CIB1: variants seen among roughly 807,000 people sequenced by gnomAD.
CIB1 encodes the protein calcium and integrin-binding protein 1.
Under a neutral mutation model 25.0 loss-of-function variants are expected in CIB1, and 19 were observed. That is an observed-to-expected ratio of 0.76 (90% CI 0.53 to 1.12). CIB1 has a LOEUF of 1.12. Ranked by LOEUF, CIB1 falls within the 50% of genes most tolerant of loss-of-function variation. The pLI is 0.00. For synonymous variants in CIB1, 104 were observed against 98.5 expected, an observed-to-expected ratio of 1.06 and a Z score of -0.33; for missense variants, 236 against 242.6, an observed-to-expected ratio of 0.97 and a Z score of 0.18.
At chr15:90,237,083 C>T (rs889228961), upstream of CIB1, among the ~76,000 whole-genome samples, 4 of 151,910 alleles carry the variant, frequency 2.6e-5, no homozygotes, top group Middle Eastern at 6.8e-3. Context: ...CTTAGCCTCC[C>T]GAGTAGCTGA....
the CIB1 span, chr15:90,243,640 G>GC: frequency 2.0e-5 from 2 of 99,468 alleles, no homozygotes; most frequent in East Asian, 3.1e-4. Context: ...CTTGGTGCAG[G>GC]TTTTTTTTTT....
At chr15:90,241,702 A>G in the CIB1 span, 1 of 1,614,062 alleles carries the variant, frequency 6.2e-7, no homozygotes, top group South Asian at 1.1e-5. Flanking sequence ...CCAGGGCCTG[A>G]CTTGGAGTCC....
chr15:90,235,626 G>A (rs1263214447), upstream of CIB1, among the ~76,000 whole-genome samples: 2 of 151,954 alleles, frequency 1.3e-5, no homozygotes, highest in African/African-American at 4.8e-5. Flanking sequence ...GGAGTGCAGT[G>A]GCATGATCTT....
the CIB1 span, among the ~76,000 whole-genome samples, chr15:90,259,985 C>T: frequency 6.6e-6 from 1 of 152,128 alleles, no homozygotes; most frequent in South Asian, 2.1e-4. Flanking sequence ...TGTTTGATTC[C>T]CCACGAGAGC....
the CIB1 span, chr15:90,258,677 C>T: frequency 4.4e-6 from 6 of 1,360,922 alleles, no homozygotes; most frequent in Non-Finnish European, 5.2e-6. Flanking sequence ...CTAGTTAATG[C>T]CTGCAAGAGG....
At chr15:90,245,722 G>A in the CIB1 span, 2 of 152,138 alleles carry the variant, frequency 1.3e-5, no homozygotes, top group Non-Finnish European at 1.5e-5. Flanking sequence ...TTCTCCGTAG[G>A]ACTGATGTTT....
upstream of CIB1, among the ~76,000 whole-genome samples, chr15:90,237,163 A>T (rs964620870): frequency 6.6e-6 from 1 of 150,388 alleles, no homozygotes; most frequent in African/African-American, 2.4e-5. Context: ...GTTTCACCAT[A>T]TTGGCCAGGC....
At chr15:90,256,558 TTTCTTTCTTTC>T in the CIB1 span, among the ~76,000 whole-genome samples, 1 of 36,830 alleles carries the variant, frequency 2.7e-5, no homozygotes, top group African/African-American at 1.3e-4. Flanking sequence ...TCTTTCTTTC[TTTCTTTCTTTC>T]TTTCTTTCTT....
chr15:90,247,846 A>G, the CIB1 span, among the ~76,000 whole-genome samples: 2 of 147,818 alleles, frequency 1.4e-5, no homozygotes, highest in African/African-American at 5.3e-5. Context: ...CTCCTGCCTC[A>G]GCCTTCCAAG....
chr15:90,257,605 A>C, the CIB1 span: 1 of 1,602,110 alleles, frequency 6.2e-7, no homozygotes, highest in Non-Finnish European at 8.5e-7. Flanking sequence ...GCATGCAGAC[A>C]GTCTGAGACC....
chr15:90,262,768 AAGAG>A, the CIB1 span: 8 of 1,257,034 alleles, frequency 6.4e-6, no homozygotes, highest in East Asian at 1.8e-4. Context: ...CCCCATGCAC[AAGAG>A]AGAGAGGAGT....
At chr15:90,243,943 G>GT in the CIB1 span, 7,100 of 137,736 alleles carry the variant, frequency 0.052, 461 homozygotes, top group African/African-American at 0.16. Context: ...CCTGGCCTGA[G>GT]TTTTTTTTTT....
chr15:90,251,694 TG>T, the CIB1 span: 6 of 1,399,764 alleles, frequency 4.3e-6, no homozygotes, highest in Non-Finnish European at 6.1e-6. Context: ...TTCCAGCCCC[TG>T]GGGCCTGGCG....
At chr15:90,262,930 T>A in the CIB1 span, 1 of 1,525,804 alleles carries the variant, frequency 6.6e-7, no homozygotes, top group Non-Finnish European at 8.8e-7. Context: ...GACTTATCCT[T>A]GGAGATCCTG....
chr15:90,251,004 C>G, the CIB1 span: 1 of 1,344,550 alleles, frequency 7.4e-7, no homozygotes, highest in Non-Finnish European at 1.0e-6. Flanking sequence ...CAAAAGAGGA[C>G]AGGAAATGCT....
the CIB1 span, among the ~76,000 whole-genome samples, chr15:90,260,850 C>CAAAA: frequency 5.3e-4 from 32 of 60,238 alleles, no homozygotes; most frequent in African/African-American, 1.4e-3. Flanking sequence ...GACTCTGTCT[C>CAAAA]AAAAAAAAAA....
At chr15:90,231,586 A>C in intron 3 of CIB1, 79 bp from the exon 4 acceptor site, 42 of 1,530,910 alleles carry the variant, frequency 2.7e-5, no homozygotes, top group Non-Finnish European at 3.4e-5. Flanking sequence ...AGAGCAGGTC[A>C]CAGGACCAGC....
chr15:90,247,758 C>T, the CIB1 span, among the ~76,000 whole-genome samples: 1 of 149,100 alleles, frequency 6.7e-6, no homozygotes, highest in Non-Finnish European at 1.5e-5. Context: ...TTTTTTGAGA[C>T]AGAGACTCCC....
chr15:90,250,508 T>G, the CIB1 span: 1 of 1,277,494 alleles, frequency 7.8e-7, no homozygotes, highest in Non-Finnish European at 1.1e-6. Context: ...GGGCAGCAAC[T>G]TTCCCTTATA....
Sources: allele counts gnomAD v4.1 joint callset (sites outside exome capture counted in the v4.1 genomes callset), GRCh38; gene constraint gnomAD v4.1.1; transcripts MANE v1.5; gene names NCBI Gene and HGNC (gene_info 2026-07-23, HGNC 2026-07-21).